PARVG: variants seen among roughly 807,000 people sequenced by gnomAD.
PARVG encodes the protein parvin gamma.
Under a neutral mutation model 44.4 loss-of-function variants are expected in PARVG, and 36 were observed. The ratio of observed to expected loss-of-function variants is 0.81; its 90% CI spans 0.62 to 1.07. The LOEUF is 1.07. PARVG is among the 50% of genes least tolerant of loss of function. PARVG has a pLI of 0.00. For synonymous variants in PARVG, 170 were observed against 174.1 expected (o/e 0.98, Z 0.19); for missense variants, 407 against 407.4 (o/e 1.00, Z 0.01).
intron 7 of PARVG, among the ~76,000 whole-genome samples, chr22:44,191,388 A>ATTTTTTTTT (rs35954868): frequency 4.7e-5 from 3 of 63,470 alleles, no homozygotes; most frequent in Admixed American, 2.4e-4. Flanking sequence ...AGTCATTTCT[A>ATTTTTTTTT]TTTTTTTTTT....
chr22:44,181,506 AC>A, intron 1 of PARVG: 2 of 702,462 alleles, frequency 2.8e-6, no homozygotes, highest in Non-Finnish European at 3.5e-6. Context: ...GCGGGGGTCG[AC>A]CCCAGGCTCT....
intron 8 of PARVG, 109 bp from the exon 9 acceptor site, chr22:44,193,692 A>T: frequency 7.1e-7 from 1 of 1,399,512 alleles, no homozygotes; most frequent in Non-Finnish European, 9.8e-7. Flanking sequence ...CAAGCATGCC[A>T]GTTTCTTTGC....
At chr22:44,202,025 C>T (rs1382941052) in intron 12 of PARVG, among the ~76,000 whole-genome samples, 1 of 152,184 alleles carries the variant, frequency 6.6e-6, no homozygotes, top group Non-Finnish European at 1.5e-5. Flanking sequence ...AGAATTGGGC[C>T]GATGGTGGGA....
chr22:44,190,193 A>G (rs1390084286), intron 6 of PARVG, among the ~76,000 whole-genome samples: 1 of 152,216 alleles, frequency 6.6e-6, no homozygotes, highest in East Asian at 1.9e-4. Context: ...TGTTGATGAA[A>G]TCAACCCTGA....
At chr22:44,189,905 G>A (rs1482856443) in intron 6 of PARVG, among the ~76,000 whole-genome samples, 2 of 152,124 alleles carry the variant, frequency 1.3e-5, no homozygotes, top group Non-Finnish European at 2.9e-5. Context: ...CTACAAGAGT[G>A]AGACTCCTTA....
At chr22:44,173,975 AC>A (rs1410607119) in intron 1 of PARVG, among the ~76,000 whole-genome samples, 1 of 152,066 alleles carries the variant, frequency 6.6e-6, no homozygotes, top group Non-Finnish European at 1.5e-5. Flanking sequence ...ATTGGGTAGG[AC>A]TCAACTGTTA....
In PARVG at chr22:44,207,433, G is replaced by GC. The variant is rs576236415; in HGVS notation, c.*1008dup. 2 of 119,966 alleles carry GC rather than the reference G, an allele frequency of 1.7e-5. No individual in the cohort carries two copies. Among genetic ancestry groups the GC allele is most frequent in the Admixed American group, 8.4e-5 (1 of 11,952 alleles). 7.4% of individuals were successfully genotyped at this position (119,966 alleles called of 1,614,324 possible). A position where few individuals can be genotyped will look rare whatever the true frequency, so the allele number is the denominator to read the frequency against. On this transcript the variant is annotated 3_prime_UTR_variant, in exon 14 of 14. Transcript: ENST00000444313. ...GGTGAGGCTGGCGGGGAGGGGTGAG[G>GC]CTGGTGGGGAGGGCTGGGGCCTGGT...
At position 44,198,642 on chromosome 22, in the gene PARVG, C is replaced by T. The variant is rs780965239; in HGVS notation, c.733C>T (p.Leu245Phe). 67 of 1,613,660 alleles carry T rather than the reference C, an allele frequency of 4.2e-5. No individual in the cohort carries two copies. Among genetic ancestry groups the T allele is most frequent in the Non-Finnish European group, 2.5e-5 (30 of 1,179,702 alleles). Residue 245 changes from leucine to phenylalanine, a missense_variant, in exon 12 of 14, where the codon CTC becomes TTC. Leu to Phe is a conservative substitution (Grantham distance 22). Transcript: ENST00000444313. ...DTQFADGVILLLLIGQLEGFF... is the reference protein window; with the variant it reads ...DTQFADGVILFLLIGQLEGFF... ...GTAGTTTGCAGATGGGGTCATCTTA[C>T]TCTTGCTGATTGGACAACTTGAAGG...
upstream of PARVG, among the ~76,000 whole-genome samples, chr22:44,177,805 G>A (rs770119765): frequency 5.9e-5 from 9 of 152,084 alleles, no homozygotes; most frequent in African/African-American, 1.9e-4. Flanking sequence ...GTTCAAAGCC[G>A]CAGTGAGCCG....
chr22:44,196,093 T>A, intron 9 of PARVG, 62 bp from the exon 10 acceptor site: 1 of 1,595,346 alleles, frequency 6.3e-7, no homozygotes. Flanking sequence ...AAAAAAAAAT[T>A]CCCTGTTTGG....
In PARVG at chr22:44,198,736, G is replaced by A. The variant is rs1293987609; in HGVS notation, c.813+14G>A. The A allele has an allele frequency of 1.3e-6, 2 of 1,583,964 alleles. No homozygotes were observed. The highest frequency in any genetic ancestry group is 1.7e-5 in the Admixed American group (1 of 59,928). On this transcript the variant is annotated intron_variant, in intron 12 of 13. Coordinates refer to ENST00000444313, the MANE Select transcript of PARVG (RefSeq NM_022141.7). ...CCTGCAGAAATGGTAAGTTTTCCAA[G>A]GATTTTTCTTTATGGTCTACCTCTA...
At chr22:44,193,546 A>G (rs902568832) in intron 8 of PARVG, among the ~76,000 whole-genome samples, 3 of 152,208 alleles carry the variant, frequency 2.0e-5, no homozygotes, top group Non-Finnish European at 2.9e-5. Context: ...CAGAACACGA[A>G]CAACAAAACC....
intron 12 of PARVG, among the ~76,000 whole-genome samples, chr22:44,198,929 TCCATCCATCCACCCAC>T (rs775592415): frequency 1.8e-3 from 76 of 42,240 alleles, no homozygotes; most frequent in African/African-American, 3.9e-3. Context: ...CATCTACCCA[TCCATCCATCCACCCAC>T]CCATCCATCC....
In PARVG at chr22:44,206,339, G is replaced by A; in HGVS notation, c.909G>A (p.Lys303=). ...SPEDIVNKDA[K]STLRVLYGLF... ...CAGATATCGTGAACAAGGATGCCAAGAGCACACTGAGGGTGCTCTATGGTC... is the reference window on the plus strand; with the variant it reads ...CAGATATCGTGAACAAGGATGCCAAAAGCACACTGAGGGTGCTCTATGGTC... Residue 303 remains lysine, a synonymous_variant, in exon 14 of 14, where the codon AAG becomes AAA. Transcript: ENST00000444313. The A allele has an allele frequency of 2.5e-6, 4 of 1,613,836 alleles. No individual in the cohort carries two copies. In the South Asian group the frequency reaches 4.4e-5, roughly 18 times the overall value.
chr22:44,181,428 G>A (rs1298798131), intron 1 of PARVG: 2 of 979,294 alleles, frequency 2.0e-6, no homozygotes, highest in African/African-American at 1.8e-5. Context: ...GGCGGGGTGT[G>A]GAGGTGGGAG....
At chr22:44,175,083 T>C (rs1004053579) in intron 1 of PARVG, among the ~76,000 whole-genome samples, 8 of 152,244 alleles carry the variant, frequency 5.3e-5, no homozygotes. Context: ...GACTGCACCA[T>C]TGTATTCCAG....
intron 12 of PARVG, among the ~76,000 whole-genome samples, chr22:44,200,353 C>T (rs2054690169): frequency 1.3e-5 from 2 of 152,226 alleles, no homozygotes; most frequent in Non-Finnish European, 2.9e-5. Flanking sequence ...CTGCCTGGAC[C>T]TCAGGTTTTC....
At chr22:44,178,029 A>C (rs12158164), upstream of PARVG, among the ~76,000 whole-genome samples, 500 of 152,292 alleles carry the variant, frequency 3.3e-3, 5 homozygotes, top group African/African-American at 1.0e-2. Context: ...CACAGGAAAC[A>C]GTTACTTCAG....
rs549971526 is a variant in PARVG, at chr22:44,188,010, T to A, written c.247+132T>A. On this transcript the variant is annotated intron_variant, in intron 5 of 13. Coordinates refer to ENST00000444313, the MANE Select transcript of PARVG (RefSeq NM_022141.7). The stretch of plus-strand genomic sequence containing the variant: ...GGGTTTAGGGACACCTGTCTCACTT[T>A]CTAGATGGGCCTGGGCTGGGGAGAT... The A allele has an allele frequency of 1.4e-4, 129 of 916,044 alleles. No homozygotes were observed. The African/African-American group carries it at 2.0e-3, about 14-fold the overall frequency. The allele number at this position is 916,044 out of a possible 1,614,324, so 56.7% of individuals were successfully genotyped here.
Sources: allele counts gnomAD v4.1 joint callset (sites outside exome capture counted in the v4.1 genomes callset), GRCh38; gene constraint gnomAD v4.1.1; transcripts MANE v1.5; gene names NCBI Gene and HGNC (gene_info 2026-07-23, HGNC 2026-07-21).